The following SRFBP1 variants were observed in gnomAD, a reference collection of about 807,000 sequenced individuals.
The protein encoded by SRFBP1 is serum response factor binding protein 1.
Under a neutral mutation model 45.5 loss-of-function variants are expected in SRFBP1, and 47 were observed. The ratio of observed to expected loss-of-function variants is 1.03; its 90% confidence interval spans 0.82 to 1.32. The LOEUF is 1.32. SRFBP1 is among the 40% of genes most tolerant of loss of function. The probability of loss-of-function intolerance (pLI) is 0.00; values close to 1 mark genes in which losing one functional copy is unlikely to be tolerated. For missense variants in SRFBP1, 621 were observed against 484.6 expected, an observed-to-expected ratio of 1.28 and a Z score of -2.64; for synonymous variants, 203 against 166.3, an observed-to-expected ratio of 1.22 and a Z score of -1.70.
chr5:121,974,310 G>A, intron 2 of SRFBP1, 26 bp downstream of exon 2: 3 of 1,506,998 alleles, frequency 2.0e-6, no homozygotes, highest in Non-Finnish European at 2.8e-6. Flanking sequence ...TAATGATCTT[G>A]TGACTAATAA....
At chr5:121,998,612 A>G (rs1389530486) in intron 4 of SRFBP1, among the ~76,000 whole-genome samples, 1 of 150,688 alleles carries the variant, frequency 6.6e-6, no homozygotes, top group Non-Finnish European at 1.5e-5. Flanking sequence ...ACGTGTATAC[A>G]TATGTAAGTA....
chr5:121,975,025 A>T (rs991846886), intron 2 of SRFBP1, among the ~76,000 whole-genome samples: 9 of 152,064 alleles, frequency 5.9e-5, no homozygotes, highest in Admixed American at 3.3e-4. Flanking sequence ...CGATTGATTG[A>T]TTTAAAAAAG....
At chr5:122,044,576 T>C (rs964134659) in intron 2 of SRFBP1, among the ~76,000 whole-genome samples, 1 of 152,142 alleles carries the variant, frequency 6.6e-6, no homozygotes, top group South Asian at 2.1e-4. Context: ...TATTGCATTG[T>C]GGTTTTGATT....
At chr5:121,975,066 T>A (rs566617922) in intron 2 of SRFBP1, among the ~76,000 whole-genome samples, 1 of 152,036 alleles carries the variant, frequency 6.6e-6, no homozygotes, top group South Asian at 2.1e-4. Context: ...AGGCAAACTA[T>A]CAAAAGTAAT....
intron 2 of SRFBP1, 40 bp downstream of exon 2, chr5:121,974,324 G>C (rs1752260338): frequency 7.0e-7 from 1 of 1,418,624 alleles, no homozygotes; most frequent in Non-Finnish European, 9.9e-7. Flanking sequence ...CTAATAAAAT[G>C]TCAAAAGTTG....
chr5:121,983,597 A>G (rs965339125), intron 3 of SRFBP1, among the ~76,000 whole-genome samples: 1 of 151,800 alleles, frequency 6.6e-6, no homozygotes, highest in Non-Finnish European at 1.5e-5. Context: ...TAAGATGCAG[A>G]TCATTGTACA....
chr5:122,040,300 G>A (rs779278676), intron 2 of SRFBP1, among the ~76,000 whole-genome samples: 1 of 152,066 alleles, frequency 6.6e-6, no homozygotes, highest in Non-Finnish European at 1.5e-5. Context: ...TATATGTACA[G>A]GAACATGTTC....
At chr5:121,984,837 G>A (rs751429675) in intron 3 of SRFBP1, among the ~76,000 whole-genome samples, 16 of 151,738 alleles carry the variant, frequency 1.1e-4, no homozygotes, top group Non-Finnish European at 2.2e-4. Flanking sequence ...CATTATCATT[G>A]TCCAGATTGC....
In SRFBP1 at chr5:122,020,757, A is replaced by G. The variant is rs368159488; in HGVS notation, c.1022A>G (p.Glu341Gly). The change falls in exon 6 of 8, where the codon GAA becomes GGA. Residue 341 changes from glutamate (E) to glycine (G), a missense_variant. By Grantham distance (98) the Glu-to-Gly change is moderately conservative (BLOSUM62 -2). Transcript: ENST00000339397. ...IKPSTETRKL[E>G]SVFFHSLSGS... ...CCAAGTACAGAAACCAGAAAGTTAG[A>G]ATCAGTGTTTTTCCACTCTTTATCT... The G allele has an allele frequency of 1.3e-6, 2 of 1,599,942 alleles. No individual in the cohort carries two copies. The highest frequency in any genetic ancestry group is 1.4e-5 in the African/African-American group (1 of 73,902).
rs945195579 is a variant in SRFBP1 at position 122,020,680 on chromosome 5, TAAA to T, written c.946_948del (p.Lys316del). On this transcript the variant is annotated inframe_deletion, in exon 6 of 8. Transcript: ENST00000339397. ...AAAAACCACTAGAAAAAGTGTTTCTTAAAGAAGATACAGGTGAAACTCATGGGG... is the reference window on the plus strand; with the variant it reads ...AAAAACCACTAGAAAAAGTGTTTCTTGAAGATACAGGTGAAACTCATGGGG... The T allele has an allele frequency of 5.0e-5, 80 of 1,613,884 alleles. No individual in the cohort carries two copies. Among genetic ancestry groups the T allele is most frequent in the African/African-American group, 1.1e-4 (8 of 74,918 alleles).
chr5:122,055,362 G>A (rs1754060490), intron 2 of SRFBP1, among the ~76,000 whole-genome samples: 1 of 152,182 alleles, frequency 6.6e-6, no homozygotes, highest in African/African-American at 2.4e-5. Flanking sequence ...ATATAAGCTT[G>A]AGGAGAGAAA....
intron 4 of SRFBP1, among the ~76,000 whole-genome samples, chr5:122,017,730 C>T (rs1753218890): frequency 6.6e-6 from 1 of 152,128 alleles, no homozygotes; most frequent in Non-Finnish European, 1.5e-5. Context: ...TGCATACTGC[C>T]ATCATCTTGT....
rs377539517 is a variant in SRFBP1 at position 121,968,513 on chromosome 5, A to C, written c.37-5683A>C. 1.1e-3 allele frequency among the ~76,000 whole-genome samples: 164 copies of C among 152,326 alleles called. 5 individuals carry two copies. In the South Asian group the frequency reaches 0.03, roughly 28 times the overall value. On this transcript the variant is annotated intron_variant, in intron 1 of 7. Transcript: ENST00000339397. ...AAATGTTACTTTTCAGGTTTTATCC[A>C]TGTAATACCTACAGATCTTTTGCAT...
intron 3 of SRFBP1, among the ~76,000 whole-genome samples, chr5:121,984,907 T>A (rs1451397306): frequency 2.0e-5 from 3 of 151,854 alleles, no homozygotes; most frequent in Non-Finnish European, 4.4e-5. Flanking sequence ...CACTGTAGGA[T>A]TCAAAAGACA....
Position 122,075,496 on chromosome 5 carries a change from C to A in SRFBP1, n.493C>A, listed in dbSNP as rs1035943090. ...TTTTCACTCTTTGGGGAAATCTGAG[C>A]AGCACCCTGTGATCATAATCTCTGA... On this transcript the variant is annotated non_coding_transcript_exon_variant, in exon 3 of 3. Coordinates refer to the SRFBP1 transcript ENST00000504881. The A allele has an allele frequency of 5.6e-6, 9 of 1,612,958 alleles. No individual in the cohort carries two copies. Among genetic ancestry groups the A allele is most frequent in the Non-Finnish European group, 7.6e-6 (9 of 1,179,332 alleles).
At chr5:122,059,395 C>T (rs1754136533) in intron 2 of SRFBP1, among the ~76,000 whole-genome samples, 1 of 152,020 alleles carries the variant, frequency 6.6e-6, no homozygotes, top group South Asian at 2.1e-4. Flanking sequence ...GACCTCATCC[C>T]CTTACATCTC....
intron 2 of SRFBP1, among the ~76,000 whole-genome samples, chr5:122,072,979 CCT>C (rs1266018820): frequency 1.3e-5 from 2 of 152,188 alleles, no homozygotes; most frequent in Non-Finnish European, 1.5e-5. Context: ...AGTTACATCT[CCT>C]CTTTCTTAAG....
chr5:122,043,878 G>A (rs1480704999), intron 2 of SRFBP1, among the ~76,000 whole-genome samples: 2 of 152,058 alleles, frequency 1.3e-5, no homozygotes, highest in African/African-American at 4.8e-5. Flanking sequence ...TTAAGTTTTA[G>A]GGGTGGATGT....
intron 3 of SRFBP1, among the ~76,000 whole-genome samples, chr5:121,982,567 A>T (rs1033373169): frequency 2.6e-5 from 4 of 151,938 alleles, no homozygotes; most frequent in African/African-American, 9.7e-5. Flanking sequence ...AAAAATAACG[A>T]TAGTATGTAT....
Sources: gnomAD v4.1 joint callset for allele counts (sites outside exome capture counted in the v4.1 genomes callset) on GRCh38, gnomAD v4.1.1 for gene constraint, MANE v1.5 for transcripts, NCBI Gene and HGNC (gene_info 2026-07-23, HGNC 2026-07-21) for gene names.